Variants in ZFHX3 observed in about 807,000 individuals in gnomAD.
ZFHX3 encodes zinc finger homeobox protein 3.
Under a neutral mutation model 279.1 loss-of-function variants are expected in ZFHX3, and 42 were observed. The observed-to-expected ratio is 0.15, with a 90% confidence interval of 0.12 to 0.19. The LOEUF is 0.19. Among genes scored for constraint, ZFHX3 ranks in the 10% least tolerant of loss-of-function variants. The pLI is 1.00. For synonymous variants in ZFHX3, 2,293 were observed against 1,957.8 expected, an observed-to-expected ratio of 1.17 and a Z score of -4.52; for missense variants, 4,981 against 4,754.0, an observed-to-expected ratio of 1.05 and a Z score of -1.40.
In ZFHX3 at chr16:72,950,953, A is replaced by T; in HGVS notation, c.2732T>A (p.Ile911Asn). The T allele has an allele frequency of 6.2e-7, 1 of 1,612,288 alleles. No individual in the cohort carries two copies. Among genetic ancestry groups the T allele is most frequent in the South Asian group, 1.1e-5 (1 of 90,996 alleles). The change falls in exon 3 of 10, where the codon ATC becomes AAC. Residue 911 changes from isoleucine to asparagine, a missense_variant. Physicochemically the swap from Ile to Asn is moderately radical, Grantham distance 149. Around this residue, in one of 7 missense-constraint regions of ZFHX3, gnomAD observed 1,751 missense variants for 1,770.0 expected, o/e 0.99. Coordinates refer to ENST00000268489, the MANE Select transcript of ZFHX3 (RefSeq NM_006885.4). ...GCCCCCGAGCCGCATGTCTAGGGGG[A>T]TCTCACCGCCCACTGCAGGGAAGGA... Reference protein sequence around the residue: ...AMTPALVGGEIPLDMRLGGGQ... With the variant: ...AMTPALVGGENPLDMRLGGGQ...
intron 1 of ZFHX3, among the ~76,000 whole-genome samples, chr16:73,834,382 C>G (rs1334182549): frequency 6.6e-6 from 1 of 152,060 alleles, no homozygotes; most frequent in Non-Finnish European, 1.5e-5. Context: ...TAAGTAAAGC[C>G]CAGAATGAGG....
chr16:73,530,585 G>A (rs2019782165), intron 2 of ZFHX3, among the ~76,000 whole-genome samples: 1 of 152,054 alleles, frequency 6.6e-6, no homozygotes, highest in African/African-American at 2.4e-5. Flanking sequence ...GGGGTCTGTG[G>A]ACCCCTTTTG....
At chr16:73,018,863 A>G (rs1264425441) in intron 1 of ZFHX3, among the ~76,000 whole-genome samples, 2 of 152,060 alleles carry the variant, frequency 1.3e-5, no homozygotes, top group African/African-American at 4.8e-5. Flanking sequence ...CCTCCCTCCT[A>G]ACCAACCCAG....
chr16:73,068,316 A>G (rs1597146141), intron 8 of ZFHX3, among the ~76,000 whole-genome samples: 1 of 152,198 alleles, frequency 6.6e-6, no homozygotes, highest in Admixed American at 6.5e-5. Context: ...ATGAGAAAAG[A>G]TAGATGTGTA....
At chr16:73,503,055 C>G (rs12600300) in intron 2 of ZFHX3, among the ~76,000 whole-genome samples, 11,345 of 152,236 alleles carry the variant, frequency 0.075, 763 homozygotes, top group Admixed American at 0.23. Context: ...ACTGCAGGCC[C>G]CCTTTCCAGC....
At chr16:73,308,590 A>T (rs1165102330) in intron 4 of ZFHX3, among the ~76,000 whole-genome samples, 2 of 152,070 alleles carry the variant, frequency 1.3e-5, no homozygotes, top group African/African-American at 4.8e-5. Context: ...TACAGGTGTG[A>T]GCCACCACGC....
chr16:73,675,778 C>T (rs1435910695), intron 2 of ZFHX3, among the ~76,000 whole-genome samples: 1 of 151,942 alleles, frequency 6.6e-6, no homozygotes, highest in Non-Finnish European at 1.5e-5. Context: ...AATAAAGTCT[C>T]ACAAATATCT....
chr16:73,225,536 G>A (rs995801824), intron 5 of ZFHX3, among the ~76,000 whole-genome samples: 11 of 152,098 alleles, frequency 7.2e-5, no homozygotes, highest in Non-Finnish European at 5.9e-5. Flanking sequence ...GCTGCAGTGA[G>A]CTGTGATCAC....
At position 73,179,377 on chromosome 16, in the gene ZFHX3, C is replaced by T. The variant is rs74508762; in HGVS notation, c.-1103-35546G>A. Among the ~76,000 whole-genome samples the T allele has an allele frequency of 9.2e-3, 1,403 of 152,290 alleles. 23 individuals are homozygous for T. Among genetic ancestry groups the T allele is most frequent in the African/African-American group, 0.032 (1,345 of 41,540 alleles). The stretch of plus-strand genomic sequence containing the variant: ...TCAAGACAGCTTTGACTCCACTCCC[C>T]TCCATGACTATCAAGTTTTCATTTC... On this transcript the variant is annotated intron_variant, in intron 5 of 17. Coordinates refer to the ZFHX3 transcript ENST00000641206.
At chr16:73,268,905 G>A (rs1396851225) in intron 4 of ZFHX3, among the ~76,000 whole-genome samples, 8 of 152,086 alleles carry the variant, frequency 5.3e-5, no homozygotes, top group African/African-American at 1.2e-4. Flanking sequence ...GGTGGGCCCC[G>A]GGGACACTCC....
chr16:73,323,892 G>A (rs2015629216), intron 3 of ZFHX3, among the ~76,000 whole-genome samples: 1 of 152,198 alleles, frequency 6.6e-6, no homozygotes. Flanking sequence ...GGCTTAAGAG[G>A]ATTGGCAAGT....
chr16:73,254,842 A>T (rs187061440), intron 5 of ZFHX3, among the ~76,000 whole-genome samples: 1 of 152,290 alleles, frequency 6.6e-6, no homozygotes, highest in East Asian at 1.9e-4. Flanking sequence ...TGGAAGGGGA[A>T]ATAGAATATG....
intron 3 of ZFHX3, among the ~76,000 whole-genome samples, chr16:73,337,383 G>A (rs1206839200): frequency 6.6e-6 from 1 of 152,132 alleles, no homozygotes; most frequent in Non-Finnish European, 1.5e-5. Context: ...CTTCAGTGGT[G>A]AGCTTTGTTA....
intron 2 of ZFHX3, among the ~76,000 whole-genome samples, chr16:73,599,662 G>T (rs1252522521): frequency 6.6e-6 from 1 of 151,228 alleles, no homozygotes; most frequent in Non-Finnish European, 1.5e-5. Flanking sequence ...CATCAAAAAT[G>T]ATGGCAGCTG....
chr16:73,227,893 CAAT>C (rs916954891), intron 5 of ZFHX3, among the ~76,000 whole-genome samples: 4 of 119,208 alleles, frequency 3.4e-5, no homozygotes, highest in Admixed American at 2.4e-4. Flanking sequence ...GCTGAAACAA[CAAT>C]AACAACAATT....
intron 3 of ZFHX3, among the ~76,000 whole-genome samples, chr16:73,374,094 C>T (rs773352415): frequency 1.5e-4 from 23 of 152,158 alleles, no homozygotes; most frequent in Non-Finnish European, 3.1e-4. Context: ...AATCACCTAT[C>T]GACGCAGAGG....
At chr16:73,083,658 T>G (rs1965976191) in intron 8 of ZFHX3, among the ~76,000 whole-genome samples, 1 of 152,144 alleles carries the variant, frequency 6.6e-6, no homozygotes, top group Non-Finnish European at 1.5e-5. Context: ...GCCTTCTGAG[T>G]ACCTGGGACT....
intron 3 of ZFHX3, among the ~76,000 whole-genome samples, chr16:72,921,864 C>T (rs192043391): frequency 1.5e-4 from 23 of 152,308 alleles, no homozygotes; most frequent in Admixed American, 3.9e-4. Flanking sequence ...GGCAGTACCC[C>T]AGGCAAGGCT....
intron 3 of ZFHX3, among the ~76,000 whole-genome samples, chr16:73,382,903 C>T (rs2016839710): frequency 6.6e-6 from 1 of 152,132 alleles, no homozygotes. Context: ...GTGCTGTTGC[C>T]CCTCTTGGCT....
Sources: gnomAD v4.1 joint callset for allele counts (sites outside exome capture counted in the v4.1 genomes callset) on GRCh38, gnomAD v4.1.1 for gene constraint, gnomAD v4.1.1 regional missense constraint, MANE v1.5 for transcripts, NCBI Gene and HGNC (gene_info 2026-07-23, HGNC 2026-07-21) for gene names.